Variants in ENOX1 observed in about 807,000 individuals in gnomAD.
The protein encoded by ENOX1 is candidate growth-related and time keeping constitutive hydroquinone (NADH) oxidase.
A neutral mutation model predicts 82.5 loss-of-function variants in ENOX1; 42 were observed. The observed-to-expected ratio is 0.51, with a 90% CI of 0.40 to 0.66. The LOEUF is 0.66. ENOX1 is among the 30% of genes least tolerant of loss of function. The probability of loss-of-function intolerance (pLI) is 0.00; values close to 1 mark genes in which losing one functional copy is unlikely to be tolerated. For synonymous variants in ENOX1, 271 were observed against 282.2 expected (o/e 0.96, Z 0.40); for missense variants, 608 against 811.6 (o/e 0.75, Z 3.05).
chr13:43,754,692 T>C (rs1357341362), intron 1 of ENOX1, among the ~76,000 whole-genome samples: 7 of 151,992 alleles, frequency 4.6e-5, no homozygotes, highest in Admixed American at 4.6e-4. Context: ...TCAATAGATC[T>C]TCTTGCCTCA....
At chr13:43,489,984 G>C (rs1173419554) in intron 2 of ENOX1, among the ~76,000 whole-genome samples, 3 of 152,126 alleles carry the variant, frequency 2.0e-5, no homozygotes, top group African/African-American at 7.2e-5. Context: ...TGTCACGCAG[G>C]CTGGAATGCA....
intron 1 of ENOX1, among the ~76,000 whole-genome samples, chr13:43,729,035 A>G (rs934121068): frequency 1.3e-5 from 2 of 152,158 alleles, no homozygotes; most frequent in African/African-American, 4.8e-5. Flanking sequence ...TAACCACCAC[A>G]AAAACCACTT....
At position 43,503,394 on chromosome 13, in the gene ENOX1, C is replaced by T. The variant is rs114694760; in HGVS notation, c.-218-19242G>A. ...AGAAACAAAAAATACAATCCTAAAA[C>T]GTATATGAAACCATAAAAGACCCTG... On this transcript the variant is annotated intron_variant, in intron 2 of 16. Transcript: ENST00000690772. Among the ~76,000 whole-genome samples, 431 of 151,658 alleles carry T rather than the reference C, an allele frequency of 2.8e-3. 1 individual carries two copies. Among genetic ancestry groups the T allele is most frequent in the African/African-American group, 0.01 (415 of 41,456 alleles).
chr13:43,745,063 T>G (rs1949946995), intron 1 of ENOX1, among the ~76,000 whole-genome samples: 1 of 152,136 alleles, frequency 6.6e-6, no homozygotes, highest in Non-Finnish European at 1.5e-5. Context: ...GGCCTTGAGC[T>G]CCACAGAGGA....
chr13:43,550,216 G>A (rs565124820), intron 2 of ENOX1, among the ~76,000 whole-genome samples: 1 of 152,158 alleles, frequency 6.6e-6, no homozygotes, highest in Admixed American at 6.5e-5. Context: ...AACTGGTATT[G>A]GTTTATGACC....
chr13:43,441,089 G>T (rs1342791557), intron 3 of ENOX1, among the ~76,000 whole-genome samples: 4 of 152,094 alleles, frequency 2.6e-5, no homozygotes, highest in African/African-American at 9.7e-5. Flanking sequence ...GACAAAAAAA[G>T]ACTGAAGATC....
At chr13:43,240,529 AACCC>A (rs1566310930) in intron 14 of ENOX1, among the ~76,000 whole-genome samples, 1 of 152,158 alleles carries the variant, frequency 6.6e-6, no homozygotes, top group Non-Finnish European at 1.5e-5. Context: ...TGACAGTCAA[AACCC>A]ATGCAGAGTG....
At chr13:43,486,813 T>G (rs927416249) in intron 2 of ENOX1, among the ~76,000 whole-genome samples, 1 of 152,202 alleles carries the variant, frequency 6.6e-6, no homozygotes, top group East Asian at 1.9e-4. Context: ...GTTCGAGGAT[T>G]AAGTAAGAGA....
chr13:43,524,429 T>C (rs1305712098), intron 2 of ENOX1, among the ~76,000 whole-genome samples: 1 of 152,096 alleles, frequency 6.6e-6, no homozygotes, highest in East Asian at 1.9e-4. Flanking sequence ...ATAGTCACTC[T>C]TGACATGTTT....
chr13:43,684,065 C>T (rs1222597801), intron 1 of ENOX1, among the ~76,000 whole-genome samples: 7 of 131,960 alleles, frequency 5.3e-5, no homozygotes, highest in African/African-American at 1.8e-4. Flanking sequence ...CACTGTACTC[C>T]AGCCTGGGCG....
chr13:43,226,625 A>C (rs2042035980), intron 15 of ENOX1, among the ~76,000 whole-genome samples: 1 of 152,224 alleles, frequency 6.6e-6, no homozygotes. Flanking sequence ...TGACCATCCC[A>C]GGTACTATGG....
chr13:43,450,216 C>T (rs9567193), intron 3 of ENOX1, among the ~76,000 whole-genome samples: 75 of 152,246 alleles, frequency 4.9e-4, no homozygotes, highest in Non-Finnish European at 8.7e-4. Context: ...GCTTGTTAGC[C>T]GTCCCCTGCC....
At chr13:43,336,316 A>G (rs1196502023) in intron 9 of ENOX1, among the ~76,000 whole-genome samples, 1 of 152,252 alleles carries the variant, frequency 6.6e-6, no homozygotes, top group East Asian at 1.9e-4. Flanking sequence ...AACCCCTCAC[A>G]TTTCACTCTA....
intron 2 of ENOX1, among the ~76,000 whole-genome samples, chr13:43,658,368 C>A (rs1242984850): frequency 6.6e-6 from 1 of 152,116 alleles, no homozygotes; most frequent in African/African-American, 2.4e-5. Context: ...TATTGATTGA[C>A]CTCCCAATGA....
intron 1 of ENOX1, among the ~76,000 whole-genome samples, chr13:43,784,379 A>G (rs1302439849): frequency 6.6e-6 from 1 of 152,250 alleles, no homozygotes; most frequent in African/African-American, 2.4e-5. Context: ...ATAATTTCCA[A>G]TTTGTCACAT....
At chr13:43,589,216 G>GAAAAAAAAAA (rs58912569) in intron 2 of ENOX1, among the ~76,000 whole-genome samples, 5 of 79,764 alleles carry the variant, frequency 6.3e-5, no homozygotes, top group Admixed American at 1.5e-4. Flanking sequence ...GACATTAATG[G>GAAAAAAAAAA]AAAAAAAAAA....
intron 5 of ENOX1, among the ~76,000 whole-genome samples, chr13:43,366,382 C>A (rs1258605739): frequency 2.6e-5 from 4 of 152,084 alleles, no homozygotes; most frequent in Non-Finnish European, 5.9e-5. Flanking sequence ...TCATGCCATT[C>A]TCCTGCCTCA....
intron 3 of ENOX1, among the ~76,000 whole-genome samples, chr13:43,414,211 G>T (rs1448118810): frequency 6.6e-6 from 1 of 152,064 alleles, no homozygotes; most frequent in Non-Finnish European, 1.5e-5. Context: ...GAAGCTAAGG[G>T]TTCAATTCTC....
chr13:43,480,254 T>C (rs995517749), intron 3 of ENOX1, among the ~76,000 whole-genome samples: 1 of 152,142 alleles, frequency 6.6e-6, no homozygotes, highest in African/African-American at 2.4e-5. Context: ...CTAAACATTC[T>C]AAACATGCAT....
Sources: gnomAD v4.1 joint callset for allele counts (sites outside exome capture counted in the v4.1 genomes callset) on GRCh38, gnomAD v4.1.1 for gene constraint, MANE v1.5 for transcripts, NCBI Gene and HGNC (gene_info 2026-07-23, HGNC 2026-07-21) for gene names.